The following NCK2 variants were observed in gnomAD, a reference collection of about 807,000 sequenced individuals.
The protein encoded by NCK2 is cytoplasmic protein NCK2.
Under a neutral mutation model 33.9 loss-of-function variants are expected in NCK2, and 16 were observed. The observed-to-expected ratio is 0.47, with a 90% confidence interval of 0.32 to 0.72. The LOEUF is 0.72. Among genes scored for constraint, NCK2 ranks in the 30% least tolerant of loss-of-function variants. The probability of loss-of-function intolerance (pLI) is 0.03; values close to 1 mark genes in which losing one functional copy is unlikely to be tolerated. For synonymous variants in NCK2, 273 were observed against 239.9 expected (o/e 1.14, Z -1.27); for missense variants, 418 against 537.3 (o/e 0.78, Z 2.19).
At chr2:105,859,954 T>C (rs1169467493) in intron 3 of NCK2, among the ~76,000 whole-genome samples, 1 of 152,136 alleles carries the variant, frequency 6.6e-6, no homozygotes, top group Non-Finnish European at 1.5e-5. Context: ...TATACTTTCG[T>C]TTTTAAGAAA....
At chr2:105,839,608 G>A (rs1213954528) in intron 2 of NCK2, among the ~76,000 whole-genome samples, 7 of 152,186 alleles carry the variant, frequency 4.6e-5, no homozygotes, top group African/African-American at 7.2e-5. Flanking sequence ...GTTTCCTTTT[G>A]TTTTTCATGG....
chr2:105,758,823 CA>C (rs1457626561), intron 1 of NCK2, among the ~76,000 whole-genome samples: 1 of 152,202 alleles, frequency 6.6e-6, no homozygotes, highest in Admixed American at 6.5e-5. Context: ...TAAGTTGTTA[CA>C]AAACTATTTT....
At chr2:105,817,544 C>G (rs1313265272) in intron 2 of NCK2, among the ~76,000 whole-genome samples, 3 of 152,126 alleles carry the variant, frequency 2.0e-5, no homozygotes, top group Non-Finnish European at 4.4e-5. Context: ...ATAACACTAG[C>G]TTTCCTTAAA....
At chr2:105,772,159 C>T (rs1004492632) in intron 1 of NCK2, among the ~76,000 whole-genome samples, 6 of 152,082 alleles carry the variant, frequency 3.9e-5, no homozygotes, top group African/African-American at 7.2e-5. Context: ...CAGTTTCCAC[C>T]GGTGTCTTCC....
At chr2:105,767,422 G>A (rs1008513742) in intron 1 of NCK2, among the ~76,000 whole-genome samples, 1 of 152,156 alleles carries the variant, frequency 6.6e-6, no homozygotes. Flanking sequence ...GTTACATTCT[G>A]GTGCACTGAT....
intron 1 of NCK2, among the ~76,000 whole-genome samples, chr2:105,748,527 G>C (rs144900059): frequency 1.9e-3 from 291 of 152,132 alleles, no homozygotes; most frequent in East Asian, 5.2e-3. Flanking sequence ...CTCAGCCTCC[G>C]AGTAGCTGGG....
intron 1 of NCK2, among the ~76,000 whole-genome samples, chr2:105,790,286 G>A (rs1207072338): frequency 2.6e-5 from 4 of 152,210 alleles, no homozygotes; most frequent in African/African-American, 9.6e-5. Context: ...TGCAGCTCTC[G>A]TCATTGCCCA....
chr2:105,843,406 A>G (rs1470014598), intron 2 of NCK2, among the ~76,000 whole-genome samples: 1 of 151,716 alleles, frequency 6.6e-6, no homozygotes, highest in Non-Finnish European at 1.5e-5. Flanking sequence ...AAAAAAAAAA[A>G]AAAAACCTAG....
At chr2:105,815,150 T>G (rs995236843) in intron 1 of NCK2, among the ~76,000 whole-genome samples, 1 of 152,234 alleles carries the variant, frequency 6.6e-6, no homozygotes, top group African/African-American at 2.4e-5. Context: ...AGTATACGTT[T>G]GAACTTCTTG....
intron 1 of NCK2, among the ~76,000 whole-genome samples, chr2:105,804,332 G>A (rs573351935): frequency 1.3e-5 from 2 of 152,338 alleles, no homozygotes; most frequent in South Asian, 2.1e-4. Context: ...CCTGGTGGAC[G>A]AGAAAATGGG....
intron 1 of NCK2, among the ~76,000 whole-genome samples, chr2:105,762,720 G>A (rs1368943850): frequency 1.3e-5 from 2 of 152,202 alleles, no homozygotes; most frequent in East Asian, 3.8e-4. Flanking sequence ...TGATGCACGT[G>A]TGTTGAAAGA....
At chr2:105,808,845 AGTT>A (rs1675186215) in intron 1 of NCK2, among the ~76,000 whole-genome samples, 1 of 152,194 alleles carries the variant, frequency 6.6e-6, no homozygotes, top group Non-Finnish European at 1.5e-5. Context: ...GTGATACTGA[AGTT>A]GTGCTGATCT....
Position 105,855,149 on chromosome 2 carries a change from T to C in NCK2, c.86T>C (p.Leu29Pro). The C allele has an allele frequency of 6.2e-7, 1 of 1,614,138 alleles. No individual in the cohort carries two copies. The highest frequency in any genetic ancestry group is 8.5e-7 in the Non-Finnish European group (1 of 1,180,020). Residue 29 changes from leucine to proline, a missense_variant, in exon 3 of 5, where the codon CTG becomes CCG. Transcript: ENST00000233154. ...CTGGACATCAAGAAGAACGAGCGGCTGTGGTTGCTGGACGACTCCAAGACG... is the reference window on the plus strand; with the variant it reads ...CTGGACATCAAGAAGAACGAGCGGCCGTGGTTGCTGGACGACTCCAAGACG... ...QELDIKKNER[L>P]WLLDDSKTWW...
intron 2 of NCK2, among the ~76,000 whole-genome samples, chr2:105,822,035 G>A (rs969470641): frequency 4.6e-5 from 7 of 151,826 alleles, no homozygotes; most frequent in African/African-American, 1.4e-4. Flanking sequence ...TGACTTGGCC[G>A]GGGCTCCTAG....
chr2:105,875,396 G>A (rs1678193126), intron 3 of NCK2, among the ~76,000 whole-genome samples: 2 of 152,206 alleles, frequency 1.3e-5, no homozygotes, highest in Admixed American at 6.5e-5. Flanking sequence ...GTACACACAT[G>A]GAATCCTGGG....
At chr2:105,876,092 T>C (rs1678225236) in intron 3 of NCK2, among the ~76,000 whole-genome samples, 3 of 152,208 alleles carry the variant, frequency 2.0e-5, no homozygotes, top group African/African-American at 4.8e-5. Flanking sequence ...ATACACAGCA[T>C]GCCAGCCATT....
chr2:105,885,956 G>A (rs1678706181), intron 4 of NCK2, among the ~76,000 whole-genome samples: 1 of 152,058 alleles, frequency 6.6e-6, no homozygotes, highest in Non-Finnish European at 1.5e-5. Context: ...TAAACGTGCT[G>A]TATTTGCTGT....
At chr2:105,776,153 C>G (rs909831564) in intron 1 of NCK2, among the ~76,000 whole-genome samples, 1 of 152,112 alleles carries the variant, frequency 6.6e-6, no homozygotes, top group African/African-American at 2.4e-5. Context: ...CCCTAGGAAT[C>G]TCAGTGCTCT....
intron 2 of NCK2, among the ~76,000 whole-genome samples, chr2:105,835,264 GTGA>G (rs1287378955): frequency 6.6e-6 from 1 of 150,408 alleles, no homozygotes; most frequent in Non-Finnish European, 1.5e-5. Flanking sequence ...CAGTCTACTG[GTGA>G]TGAATTCCTC....
Sources: gnomAD v4.1 joint callset for allele counts (sites outside exome capture counted in the v4.1 genomes callset) on GRCh38, gnomAD v4.1.1 for gene constraint, MANE v1.5 for transcripts, NCBI Gene and HGNC (gene_info 2026-07-23, HGNC 2026-07-21) for gene names.